DNAH1: variants seen among roughly 807,000 people sequenced by gnomAD.
The protein encoded by DNAH1 is dynein axonemal heavy chain 1.
Under a neutral mutation model 484.3 loss-of-function variants are expected in DNAH1, and 327 were observed. The ratio of observed to expected loss-of-function variants is 0.68; its 90% confidence interval spans 0.62 to 0.74. The LOEUF (loss-of-function observed/expected upper bound fraction) is 0.74. Ranked by LOEUF, DNAH1 falls within the 30% of genes least tolerant of loss-of-function variation. The probability of loss-of-function intolerance (pLI) is 0.00; values close to 1 mark genes in which losing one functional copy is unlikely to be tolerated. For missense variants in DNAH1, 5,052 were observed against 5,546.8 expected (o/e 0.91, Z 2.83); for synonymous variants, 2,192 against 2,191.9 (o/e 1.00, Z 0.00).
upstream of DNAH1, chr3:52,316,249 T>C (rs1264641723): frequency 2.6e-5 from 4 of 152,272 alleles, no homozygotes; most frequent in East Asian, 7.7e-4. Flanking sequence ...CTGCAGCTTT[T>C]TGGACAGCTG....
In DNAH1 at chr3:52,359,949, C is replaced by G. The variant is rs374822701; in HGVS notation, c.4441C>G (p.Leu1481Val). The G allele has an allele frequency of 1.4e-5, 22 of 1,613,906 alleles. 1 individual carries two copies. In the African/African-American group the frequency reaches 1.5e-4, roughly 11 times the overall value. Reference sequence around the variant, plus strand: ...TCTGGTGGCCCTTGTGCGGGGGAAGCTGTCCCGCATGCAGCGGGCAGTGCT... The same window carrying G: ...TCTGGTGGCCCTTGTGCGGGGGAAGGTGTCCCGCATGCAGCGGGCAGTGCT... ...SDLVALVRGK[L>V]SRMQRAVLSA... is the part of the protein sequence containing the mutation. Residue 1481 changes from leucine to valine, a missense_variant, in exon 27 of 78, where the codon CTG (leucine) becomes GTG (valine). Coordinates refer to ENST00000420323, the MANE Select transcript of DNAH1 (RefSeq NM_015512.5).
At chr3:52,365,144 G>A (rs1458490433) in intron 34 of DNAH1, 125 bp downstream of exon 34, 75 of 1,323,408 alleles carry the variant, frequency 5.7e-5, no homozygotes, top group Non-Finnish European at 7.5e-5. Flanking sequence ...GTGTGCTGCA[G>A]GCCCGGGCTC....
At position 52,364,720 on chromosome 3, in the gene DNAH1, A is replaced by G; in HGVS notation, c.5327A>G (p.Asn1776Ser). 6.2e-7 allele frequency: 1 copy of G among 1,613,100 alleles called. No individual in the cohort carries two copies. The highest frequency in any genetic ancestry group is 1.1e-5 in the South Asian group (1 of 90,966). ...CTCAAGCGAGAAAACCCCAGCATGAATGAGGTGAGCTCCACCCAGCAGGGC... is the reference window on the plus strand; with the variant it reads ...CTCAAGCGAGAAAACCCCAGCATGAGTGAGGTGAGCTCCACCCAGCAGGGC... The part of the protein sequence containing the change: ...GNLKRENPSM[N>S]EELICLRAIR... The change falls in exon 33 of 78, where the codon AAT (asparagine) becomes AGT (serine). Residue 1776 changes from asparagine (N) to serine (S), a missense_variant. This residue lies in a region of DNAH1 where 2,929 missense variants were observed against 3,409.4 expected (regional missense o/e 0.86). Coordinates refer to ENST00000420323, the MANE Select transcript of DNAH1 (RefSeq NM_015512.5). The surrounding 1 kb of genome is among the most constrained non-coding windows in gnomAD (Gnocchi z 4.2).
chr3:52,366,948 C>A, intron 36 of DNAH1, 61 bp downstream of exon 36: 1 of 1,548,310 alleles, frequency 6.5e-7, no homozygotes, highest in Non-Finnish European at 8.8e-7. Flanking sequence ...AGGCTGTGGG[C>A]TGCGGTCACC....
Position 52,380,087 on chromosome 3 carries a change from A to G in DNAH1, c.7560A>G (p.Ser2520=). ...FQPILYGDFM[S]PGSDVKSYEL... ...CCATTCTTTACGGGGACTTCATGTC[A>G]CCAGGCTCCGATGTCAAGTCCTACG... Residue 2520 remains serine, a synonymous_variant, in exon 48 of 78, where the codon TCA becomes TCG. Coordinates refer to ENST00000420323, the MANE Select transcript of DNAH1 (RefSeq NM_015512.5). 1 of 1,605,572 alleles carries G rather than the reference A, an allele frequency of 6.2e-7. No homozygotes were observed. The highest frequency in any genetic ancestry group is 8.5e-7 in the Non-Finnish European group (1 of 1,176,094).
At position 52,364,869 on chromosome 3, in the gene DNAH1, G is replaced by C. The variant is rs951278557; in HGVS notation, c.5368G>C (p.Val1790Leu). 3 of 1,613,846 alleles carry C rather than the reference G, an allele frequency of 1.9e-6. No homozygotes were observed. The highest frequency in any genetic ancestry group is 1.3e-5 in the African/African-American group (1 of 74,914). The part of the protein sequence containing the change: ...ICLRAIRDVN[V>L]PKFLQEDLKL... The stretch of plus-strand genomic sequence containing the variant: ...CCTCCGGGCCATCCGTGATGTGAAC[G>C]TGCCCAAGTTCCTGCAGGAGGACCT... The change falls in exon 34 of 78, where the codon GTG becomes CTG. Residue 1790 changes from valine to leucine, a missense_variant. Val to Leu is a conservative substitution (Grantham distance 32). Transcript: ENST00000420323. The surrounding 1 kb of genome is among the most constrained non-coding windows in gnomAD (Gnocchi z 4.2).
rs748490618 is a variant in DNAH1, at chr3:52,383,429, ACT to A, written c.7988_7989del (p.Ser2663TrpfsTer2). ...CTGGAAGATATCAACAACGTCCTAA[ACT>A]CTGGTGACATTCCCAATCTGTATAC... is the stretch of plus-strand genomic sequence containing the variant. On this transcript the variant is annotated frameshift_variant, in exon 51 of 78. Coordinates refer to ENST00000420323, the MANE Select transcript of DNAH1 (RefSeq NM_015512.5). LOFTEE classifies it high-confidence loss of function. The A allele has an allele frequency of 3.7e-6, 6 of 1,613,742 alleles. No individual in the cohort carries two copies. Among genetic ancestry groups the A allele is most frequent in the Non-Finnish European group, 5.1e-6 (6 of 1,179,842 alleles).
chr3:52,328,072 C>G, intron 6 of DNAH1, 58 bp downstream of exon 6: 7 of 1,591,806 alleles, frequency 4.4e-6, no homozygotes, highest in South Asian at 3.3e-5. Flanking sequence ...AGCCCTGTCA[C>G]AGACTCCTGG....
At position 52,357,983 on chromosome 3, in the gene DNAH1, T is replaced by C; in HGVS notation, c.4066T>C (p.Cys1356Arg). ...PTAVQPHLRK[C>R]FENIARLLFQ... ...GGCCGTGCAGCCACACCTGCGCAAGTGCTTCGAGAACATCGCTCGGGTGGG... is the reference window on the plus strand; with the variant it reads ...GGCCGTGCAGCCACACCTGCGCAAGCGCTTCGAGAACATCGCTCGGGTGGG... Residue 1356 changes from cysteine to arginine, a missense_variant, in exon 24 of 78, where the codon TGC becomes CGC. Physicochemically the swap from Cys to Arg is radical, Grantham distance 180 (BLOSUM62 -3). Transcript: ENST00000420323. The C allele has an allele frequency of 6.2e-7, 1 of 1,610,330 alleles. No homozygotes were observed. Among genetic ancestry groups the C allele is most frequent in the Non-Finnish European group, 8.5e-7 (1 of 1,177,814 alleles).
chr3:52,384,098 C>T lies in DNAH1; in HGVS notation c.8322+67C>T, dbSNP rs1190523595. 2.8e-6 allele frequency: 4 copies of T among 1,440,384 alleles called. No homozygotes were observed. The African/African-American group carries it at 5.7e-5, about 21-fold the overall frequency. The allele number at this position is 1,440,384 out of a possible 1,614,324, so 89.2% of individuals were successfully genotyped here. On this transcript the variant is annotated intron_variant, in intron 52 of 77. Transcript: ENST00000420323. Reference sequence around the variant, plus strand: ...TTAGCTTGGGGCATGGGCTCAGGGTCACCAAGGTCTGGGTGAGATTCCCAG... The same window carrying T: ...TTAGCTTGGGGCATGGGCTCAGGGTTACCAAGGTCTGGGTGAGATTCCCAG...
rs201455697 is a variant in DNAH1, at chr3:52,353,277, G to A, written c.3202G>A (p.Val1068Met). 1,189 of 1,613,818 alleles carry A rather than the reference G, an allele frequency of 7.4e-4. 2 individuals carry two copies. The highest frequency in any genetic ancestry group is 9.7e-4 in the Admixed American group (58 of 60,010). ...VEAFKTMHKC[V>M]KQFKDMPACQ... is the part of the protein sequence containing the mutation. Reference sequence around the variant, plus strand: ...AGCCTTCAAGACCATGCACAAGTGCGTGAAGCAGTTTAAGGACATGCCAGG... The same window carrying A: ...AGCCTTCAAGACCATGCACAAGTGCATGAAGCAGTTTAAGGACATGCCAGG... Residue 1068 changes from valine to methionine, a missense_variant, in exon 19 of 78, where the codon GTG becomes ATG. Around this residue, in one of 4 missense-constraint regions of DNAH1, gnomAD observed 2,929 missense variants for 3,409.4 expected, o/e 0.86. Coordinates refer to ENST00000420323, the MANE Select transcript of DNAH1 (RefSeq NM_015512.5). The surrounding 1 kb of genome is among the most constrained non-coding windows in gnomAD (Gnocchi z 5.0).
intron 64 of DNAH1, 27 bp from the exon 65 acceptor site, chr3:52,392,803 C>G: frequency 1.9e-6 from 1 of 533,004 alleles, no homozygotes; most frequent in Non-Finnish European, 3.5e-6. Flanking sequence ...GCTCTTTGAC[C>G]CCTCCCCCCA....
chr3:52,361,066 G>T lies in DNAH1; in HGVS notation c.4686-98G>T. 2 of 1,214,068 alleles carry T rather than the reference G, an allele frequency of 1.6e-6. No homozygotes were observed. Among genetic ancestry groups the T allele is most frequent in the Non-Finnish European group, 1.1e-6 (1 of 929,592 alleles). The allele number at this position is 1,214,068 out of a possible 1,614,324, so 75.2% of individuals were successfully genotyped here. On this transcript the variant is annotated intron_variant, in intron 28 of 77. Coordinates refer to ENST00000420323, the MANE Select transcript of DNAH1 (RefSeq NM_015512.5). This position sits in a 1 kb window ranked among gnomAD's most constrained non-coding sequence, Gnocchi z 5.6. ...TGGGCACACCCCAGCCCACCAAAAG[G>T]GGACGGGGCGAGAGGCCCCAGTCCA...
In DNAH1 at chr3:52,356,716, C is replaced by T. The variant is rs755852298; in HGVS notation, c.3796C>T (p.Arg1266Cys). The T allele has an allele frequency of 2.1e-5, 34 of 1,613,730 alleles. No homozygotes were observed. Among genetic ancestry groups the T allele is most frequent in the African/African-American group, 6.7e-5 (5 of 74,910 alleles). Reference sequence around the variant, plus strand: ...CCAGCAGCTGCCTGTGGAGAGCAAGCGCTACCAGACCATGGAGCGGATCTG... The same window carrying T: ...CCAGCAGCTGCCTGTGGAGAGCAAGTGCTACCAGACCATGGAGCGGATCTG... ...INQQLPVESK[R>C]YQTMERIWKK... The change falls in exon 22 of 78, where the codon CGC becomes TGC. Residue 1266 changes from arginine (R) to cysteine (C), a missense_variant. Physicochemically the swap from Arg to Cys is radical, Grantham distance 180. Transcript: ENST00000420323.
At chr3:52,367,021 C>G in intron 36 of DNAH1, 134 bp downstream of exon 36, 1 of 1,119,832 alleles carries the variant, frequency 8.9e-7, no homozygotes, top group African/African-American at 1.6e-5. Flanking sequence ...ATTCTATTCT[C>G]CATTCTACTT....
At chr3:52,325,993 C>T (rs1701322880) in intron 3 of DNAH1, 147 bp from the exon 4 acceptor site, 2 of 765,808 alleles carry the variant, frequency 2.6e-6, no homozygotes, top group South Asian at 2.5e-5. Flanking sequence ...CCTGTGTTCT[C>T]CCAGCCACTG....
intron 1 of DNAH1, among the ~76,000 whole-genome samples, chr3:52,319,963 C>T (rs147545830): frequency 4.3e-4 from 66 of 152,308 alleles, no homozygotes; most frequent in African/African-American, 1.6e-3. Context: ...TTCCTTTTGC[C>T]CCCAGCAACC....
chr3:52,367,676 C>G (rs545658851), intron 36 of DNAH1, among the ~76,000 whole-genome samples: 1 of 151,940 alleles, frequency 6.6e-6, no homozygotes, highest in African/African-American at 2.4e-5. Flanking sequence ...CTTGTTCAAG[C>G]GATTCTCCTG....
chr3:52,352,764 T>C (rs1348547295), intron 18 of DNAH1, 57 bp downstream of exon 18: 13 of 1,562,320 alleles, frequency 8.3e-6, no homozygotes, highest in Non-Finnish European at 1.1e-5. Flanking sequence ...AAGCAGCTCA[T>C]GTAGATGCAG....
Sources: allele counts gnomAD v4.1 joint callset (sites outside exome capture counted in the v4.1 genomes callset), GRCh38; gene constraint gnomAD v4.1.1; regional missense constraint gnomAD v4.1.1; non-coding constraint Gnocchi (gnomAD v3.1); transcripts MANE v1.5; gene names NCBI Gene and HGNC (gene_info 2026-07-23, HGNC 2026-07-21).